Variants in DEPTOR observed in about 807,000 individuals in gnomAD.
The protein encoded by DEPTOR is DEP domain-containing mTOR-interacting protein.
In DEPTOR, 41 loss-of-function variants were observed where a neutral mutation model predicts 41.6. The ratio of observed to expected loss-of-function variants is 0.98; its 90% CI spans 0.77 to 1.28. DEPTOR has a LOEUF of 1.28. Among genes scored for constraint, DEPTOR ranks in the 50% most tolerant of loss-of-function variants. The pLI, the probability that DEPTOR is intolerant of heterozygous loss-of-function variation, is 0.00. For missense variants in DEPTOR, 514 were observed against 527.9 expected, an observed-to-expected ratio of 0.97 and a Z score of 0.26; for synonymous variants, 195 against 192.3, an observed-to-expected ratio of 1.01 and a Z score of -0.12.
At chr8:119,925,845 G>T (rs764272864) in intron 1 of DEPTOR, among the ~76,000 whole-genome samples, 1 of 152,064 alleles carries the variant, frequency 6.6e-6, no homozygotes, top group East Asian at 1.9e-4. Context: ...GGCTGGTCTC[G>T]AGCTCCCGAC....
chr8:120,022,969 G>A (rs962507216), intron 8 of DEPTOR, among the ~76,000 whole-genome samples: 4 of 152,092 alleles, frequency 2.6e-5, no homozygotes, highest in Non-Finnish European at 2.9e-5. Context: ...TGACAGTATC[G>A]GTCAGTTAGG....
At chr8:120,011,280 G>A (rs1187214166) in intron 8 of DEPTOR, among the ~76,000 whole-genome samples, 1 of 152,174 alleles carries the variant, frequency 6.6e-6, no homozygotes, top group Non-Finnish European at 1.5e-5. Flanking sequence ...ATGTCAGGGA[G>A]GCACAGGCCC....
intron 1 of DEPTOR, among the ~76,000 whole-genome samples, chr8:119,920,961 G>C (rs1827883520): frequency 6.7e-6 from 1 of 149,498 alleles, no homozygotes; most frequent in African/African-American, 2.5e-5. Flanking sequence ...CAGTTTCCTC[G>C]ATGACTTTTA....
chr8:120,008,052 C>G (rs1258363671), intron 7 of DEPTOR, among the ~76,000 whole-genome samples: 1 of 152,210 alleles, frequency 6.6e-6, no homozygotes, highest in Non-Finnish European at 1.5e-5. Flanking sequence ...AAAGATGTGG[C>G]TAGGAGCTGT....
intron 3 of DEPTOR, among the ~76,000 whole-genome samples, chr8:119,952,926 C>T (rs1828372229): frequency 1.3e-5 from 2 of 152,280 alleles, no homozygotes; most frequent in South Asian, 4.1e-4. Flanking sequence ...TTGTTCCTCA[C>T]CTTTTCCAGT....
At chr8:120,034,605 G>A (rs1191310003) in intron 8 of DEPTOR, among the ~76,000 whole-genome samples, 1 of 151,562 alleles carries the variant, frequency 6.6e-6, no homozygotes, top group South Asian at 2.1e-4. Flanking sequence ...CAGCCACCAC[G>A]CCTGGCTAAT....
At chr8:119,965,886 G>C (rs1452811305) in intron 4 of DEPTOR, among the ~76,000 whole-genome samples, 6 of 152,178 alleles carry the variant, frequency 3.9e-5, no homozygotes, top group African/African-American at 1.4e-4. Context: ...CTTCATAAAA[G>C]TATCACTTTC....
At position 120,042,672 on chromosome 8, in the gene DEPTOR, C is replaced by T. The variant is rs190157843; in HGVS notation, c.1102-6904C>T. On this transcript the variant is annotated intron_variant, in intron 8 of 8. Coordinates refer to ENST00000286234, the MANE Select transcript of DEPTOR (RefSeq NM_022783.4). Reference sequence around the variant, plus strand: ...TAGCTGGGATTACAGGCATGCACCACGATGCCTGGCTAATTTTCGCATTTT... The same window carrying T: ...TAGCTGGGATTACAGGCATGCACCATGATGCCTGGCTAATTTTCGCATTTT... Among the ~76,000 whole-genome samples the T allele has an allele frequency of 4.6e-5, 7 of 151,994 alleles. No individual in the cohort carries two copies. In the East Asian group the frequency reaches 7.8e-4, roughly 17 times the overall value.
Position 119,902,958 on chromosome 8 carries a change from C to T in DEPTOR, c.123-25442C>T, listed in dbSNP as rs905283333. Among the ~76,000 whole-genome samples, 3 of 152,238 alleles carry T rather than the reference C, an allele frequency of 2.0e-5. No homozygotes were observed. The East Asian group carries it at 5.8e-4, about 29-fold the overall frequency. On this transcript the variant is annotated intron_variant, in intron 1 of 8. Coordinates refer to ENST00000286234, the MANE Select transcript of DEPTOR (RefSeq NM_022783.4). ...ACGAAAGAACCTGTACATTTGGAGA[C>T]AAGACAAGTGAAATGTACTAAAATT... is the stretch of plus-strand genomic sequence containing the variant.
chr8:119,970,949 G>A (rs1013731222), intron 4 of DEPTOR, among the ~76,000 whole-genome samples: 2 of 152,094 alleles, frequency 1.3e-5, no homozygotes, highest in East Asian at 1.9e-4. Context: ...CTGAAAAATC[G>A]GCCGGGCACA....
rs140074646 is a variant in DEPTOR at position 119,967,425 on chromosome 8, T to C, written c.604+2015T>C. On this transcript the variant is annotated intron_variant, in intron 4 of 8. Coordinates refer to ENST00000286234, the MANE Select transcript of DEPTOR (RefSeq NM_022783.4). ...CTACAGTTAACCAACGTAGGTCAGA[T>C]AATTTCTTTATGGCCTGTTTTTACA... is the stretch of plus-strand genomic sequence containing the variant. Among the ~76,000 whole-genome samples, 369 of 152,114 alleles carry C rather than the reference T, an allele frequency of 2.4e-3. 1 individual carries two copies. Among genetic ancestry groups the C allele is most frequent in the African/African-American group, 8.6e-3 (355 of 41,496 alleles).
chr8:119,914,046 T>C (rs11335902), intron 1 of DEPTOR, among the ~76,000 whole-genome samples: 16 of 143,520 alleles, frequency 1.1e-4, no homozygotes, highest in Non-Finnish European at 2.3e-4. Flanking sequence ...TTTTTTTTTT[T>C]CCTTTTTTGT....
intron 1 of DEPTOR, among the ~76,000 whole-genome samples, chr8:119,912,857 T>C (rs1369969265): frequency 1.3e-5 from 2 of 152,230 alleles, no homozygotes; most frequent in African/African-American, 2.4e-5. Flanking sequence ...GGATGTATCC[T>C]AGAGGCTGTC....
chr8:120,006,369 C>T (rs1192234004), intron 6 of DEPTOR, among the ~76,000 whole-genome samples: 2 of 151,924 alleles, frequency 1.3e-5, no homozygotes, highest in African/African-American at 2.4e-5. Flanking sequence ...ATTAAAAATA[C>T]AAAAATTAGC....
chr8:119,948,713 C>A (rs1293475317), intron 3 of DEPTOR, among the ~76,000 whole-genome samples: 1 of 152,092 alleles, frequency 6.6e-6, no homozygotes, highest in Non-Finnish European at 1.5e-5. Context: ...ATGCCTTCAT[C>A]TACCCCCTCA....
chr8:119,969,319 A>G (rs989206760), intron 4 of DEPTOR, among the ~76,000 whole-genome samples: 2 of 152,098 alleles, frequency 1.3e-5, no homozygotes, highest in Non-Finnish European at 2.9e-5. Flanking sequence ...AAAGGATAAA[A>G]CAAATGCATT....
At chr8:119,977,650 A>T (rs1284623701) in intron 4 of DEPTOR, among the ~76,000 whole-genome samples, 1 of 152,198 alleles carries the variant, frequency 6.6e-6, no homozygotes, top group African/African-American at 2.4e-5. Context: ...TGCTTGATAG[A>T]GGGCCAAGAC....
At chr8:119,994,339 C>G (rs1044105512) in intron 4 of DEPTOR, among the ~76,000 whole-genome samples, 1 of 152,120 alleles carries the variant, frequency 6.6e-6, no homozygotes, top group East Asian at 1.9e-4. Context: ...TTTTCTCCCT[C>G]TGGAATACAA....
rs1243764493 is a variant in DEPTOR, at chr8:120,027,950, TGG to T, written c.1101+18818_1101+18819del. ...GTAAGGCTCAGACATCAGCACGGTT[TGG>T]AAACTCCCAGGCAATTTTAAAGTGG... On this transcript the variant is annotated intron_variant, in intron 8 of 8. Transcript: ENST00000286234. 5.9e-3 allele frequency among the ~76,000 whole-genome samples: 902 copies of T among 152,224 alleles called. 10 individuals are homozygous for T. The highest frequency in any genetic ancestry group is 0.021 in the African/African-American group (855 of 41,544).
Sources: gnomAD v4.1 joint callset for allele counts (sites outside exome capture counted in the v4.1 genomes callset) on GRCh38, gnomAD v4.1.1 for gene constraint, MANE v1.5 for transcripts, NCBI Gene and HGNC (gene_info 2026-07-23, HGNC 2026-07-21) for gene names.